MAP3K5: variants seen among roughly 807,000 people sequenced by gnomAD.
The protein encoded by MAP3K5 is ASK-1.
Under a neutral mutation model 158.7 loss-of-function variants are expected in MAP3K5, and 56 were observed. The ratio of observed to expected loss-of-function variants is 0.35; its 90% CI spans 0.28 to 0.44. The LOEUF is 0.44. MAP3K5 is among the 20% of genes least tolerant of loss of function. The pLI, the probability that MAP3K5 is intolerant of heterozygous loss-of-function variation, is 1.00. For missense variants in MAP3K5, 1,294 were observed against 1,674.8 expected, an observed-to-expected ratio of 0.77 and a Z score of 3.97; for synonymous variants, 579 against 601.7, an observed-to-expected ratio of 0.96 and a Z score of 0.55.
chr6:136,674,301 C>T (rs1779609678), intron 7 of MAP3K5, among the ~76,000 whole-genome samples: 1 of 151,900 alleles, frequency 6.6e-6, no homozygotes, highest in Non-Finnish European at 1.5e-5. Flanking sequence ...GTGACTAGAT[C>T]TAAAATATAA....
At chr6:136,750,973 G>C (rs544777013) in intron 1 of MAP3K5, among the ~76,000 whole-genome samples, 3 of 152,212 alleles carry the variant, frequency 2.0e-5, no homozygotes, top group African/African-American at 7.2e-5. Flanking sequence ...CAGAGAATAC[G>C]TTCCTCTCTT....
chr6:136,790,201 T>C (rs1476920827), intron 1 of MAP3K5, among the ~76,000 whole-genome samples: 1 of 152,236 alleles, frequency 6.6e-6, no homozygotes, highest in Non-Finnish European at 1.5e-5. Flanking sequence ...CCAGAGACAG[T>C]ATTTGGAGAA....
Position 136,562,648 on chromosome 6 carries a change from G to T in MAP3K5, c.3762-33C>A, listed in dbSNP as rs573599847. 14 of 1,057,598 alleles carry T rather than the reference G, an allele frequency of 1.3e-5. No individual in the cohort carries two copies. In the Admixed American group the frequency reaches 2.7e-4, roughly 21 times the overall value. The allele number at this position is 1,057,598 out of a possible 1,614,324, so 65.5% of individuals were successfully genotyped here. On this transcript the variant is annotated intron_variant, in intron 26 of 29. Transcript: ENST00000359015. ...AGAAAAATATATTGTTTGACAGGAG[G>T]TGACACAGGGTGACCTTCTTTTTTT...
intron 4 of MAP3K5, among the ~76,000 whole-genome samples, chr6:136,698,273 T>C (rs1780692298): frequency 1.3e-5 from 2 of 152,304 alleles, no homozygotes; most frequent in South Asian, 4.1e-4. Context: ...AAGCGGTTAG[T>C]AGACTTTTTA....
intron 1 of MAP3K5, among the ~76,000 whole-genome samples, chr6:136,741,846 C>A (rs1172370027): frequency 6.6e-6 from 1 of 152,090 alleles, no homozygotes; most frequent in Admixed American, 6.6e-5. Flanking sequence ...TTCTATATGT[C>A]TGCAATAAAC....
intron 19 of MAP3K5, among the ~76,000 whole-genome samples, chr6:136,604,453 C>T (rs1427500543): frequency 6.6e-6 from 1 of 151,940 alleles, no homozygotes; most frequent in Non-Finnish European, 1.5e-5. Flanking sequence ...AAGTCCTCTG[C>T]CTTAGAAAGT....
At chr6:136,790,613 C>T (rs1353503570) in intron 1 of MAP3K5, among the ~76,000 whole-genome samples, 1 of 152,206 alleles carries the variant, frequency 6.6e-6, no homozygotes, top group Non-Finnish European at 1.5e-5. Flanking sequence ...AATTCCAAAA[C>T]TGACATAAGC....
rs1430768839 is a variant in MAP3K5 at position 136,658,305 on chromosome 6, CTTTCTTTCTTT to C, written c.1526+903_1526+913del. 3.4e-4 allele frequency among the ~76,000 whole-genome samples: 38 copies of C among 112,228 alleles called. 1 individual carries two copies. Among genetic ancestry groups the C allele is most frequent in the Non-Finnish European group, 5.6e-4 (31 of 55,658 alleles). 73.6% of individuals were successfully genotyped at this position (112,228 alleles called of 152,430 possible). On this transcript the variant is annotated intron_variant, in intron 9 of 29. Coordinates refer to ENST00000359015, the MANE Select transcript of MAP3K5 (RefSeq NM_005923.4). ...CTTTTTCTTTTTCTTTTCTTTCTTT[CTTTCTTTCTTT>C]TTTTTTTTTTTTTTTTGAGACAGAG...
intron 1 of MAP3K5, among the ~76,000 whole-genome samples, chr6:136,788,789 C>T (rs981610378): frequency 6.6e-6 from 1 of 152,192 alleles, no homozygotes; most frequent in Non-Finnish European, 1.5e-5. Context: ...GGAACACTTA[C>T]ACACTGTTGG....
chr6:136,760,224 T>C (rs1783687173), intron 1 of MAP3K5, among the ~76,000 whole-genome samples: 1 of 152,180 alleles, frequency 6.6e-6, no homozygotes, highest in Non-Finnish European at 1.5e-5. Flanking sequence ...GCTTAAATAG[T>C]AAAGACTAGT....
At chr6:136,751,150 C>CTT (rs10690202) in intron 1 of MAP3K5, among the ~76,000 whole-genome samples, 7,481 of 138,498 alleles carry the variant, frequency 0.054, 301 homozygotes, top group African/African-American at 0.11. Flanking sequence ...GCTCTGGCTG[C>CTT]TTTTTTTTTT....
At chr6:136,598,772 G>A (rs887528692) in intron 21 of MAP3K5, among the ~76,000 whole-genome samples, 2 of 152,176 alleles carry the variant, frequency 1.3e-5, no homozygotes, top group African/African-American at 4.8e-5. Context: ...CCTGGGGAAG[G>A]AAGAGGCCTG....
intron 25 of MAP3K5, among the ~76,000 whole-genome samples, chr6:136,577,957 A>C (rs1441165183): frequency 3.3e-5 from 5 of 152,132 alleles, no homozygotes; most frequent in Non-Finnish European, 7.3e-5. Flanking sequence ...TTTTTTAATT[A>C]AGTAAACAGA....
chr6:136,620,408 A>G (rs916488580), intron 15 of MAP3K5, among the ~76,000 whole-genome samples: 1 of 152,166 alleles, frequency 6.6e-6, no homozygotes, highest in African/African-American at 2.4e-5. Flanking sequence ...CTGCGCATGT[A>G]CCCCCTGGTT....
chr6:136,739,850 C>T (rs191306769), intron 1 of MAP3K5, among the ~76,000 whole-genome samples: 2 of 152,136 alleles, frequency 1.3e-5, no homozygotes, highest in Non-Finnish European at 2.9e-5. Context: ...TAGTAGATCC[C>T]CCCATTCATT....
chr6:136,672,602 G>A (rs1332127538), intron 7 of MAP3K5, among the ~76,000 whole-genome samples: 1 of 152,180 alleles, frequency 6.6e-6, no homozygotes, highest in Non-Finnish European at 1.5e-5. Flanking sequence ...GTGTGGAGTA[G>A]AGCTGGGATG....
chr6:136,646,095 A>G (rs1778242462), intron 11 of MAP3K5, among the ~76,000 whole-genome samples: 2 of 152,200 alleles, frequency 1.3e-5, no homozygotes, highest in African/African-American at 4.8e-5. Flanking sequence ...TGGTAGTGAT[A>G]ATGAATACAC....
Position 136,743,955 on chromosome 6 carries a change from G to C in MAP3K5, c.449-23366C>G, listed in dbSNP as rs139990594. Among the ~76,000 whole-genome samples the C allele has an allele frequency of 3.8e-4, 58 of 152,316 alleles. No homozygotes were observed. In the East Asian group the frequency reaches 8.1e-3, roughly 21 times the overall value. ...CAGTATGAAAAGGCTGTGACATTCTGAAAAAGAGAAACTATGGAAAAAGCA... is the reference window on the plus strand; with the variant it reads ...CAGTATGAAAAGGCTGTGACATTCTCAAAAAGAGAAACTATGGAAAAAGCA... On this transcript the variant is annotated intron_variant, in intron 1 of 29. Transcript: ENST00000359015.
At chr6:136,601,698 A>G in intron 20 of MAP3K5, 104 bp downstream of exon 20, 3 of 976,746 alleles carry the variant, frequency 3.1e-6, no homozygotes, top group Non-Finnish European at 4.6e-6. Flanking sequence ...ACCAATTTCC[A>G]GTGATATCTG....
Sources: allele counts gnomAD v4.1 joint callset (sites outside exome capture counted in the v4.1 genomes callset), GRCh38; gene constraint gnomAD v4.1.1; transcripts MANE v1.5; gene names NCBI Gene and HGNC (gene_info 2026-07-23, HGNC 2026-07-21).